GPM6A: variants seen among roughly 807,000 people sequenced by gnomAD.
The protein encoded by GPM6A is neuronal membrane glycoprotein M6-a.
A neutral mutation model predicts 32.1 loss-of-function variants in GPM6A; 7 were observed. That is an observed-to-expected ratio of 0.22 (90% CI 0.12 to 0.41). GPM6A has a LOEUF of 0.41. Ranked by LOEUF, GPM6A falls within the 10% of genes least tolerant of loss-of-function variation. The pLI, the probability that GPM6A is intolerant of heterozygous loss-of-function variation, is 1.00. For synonymous variants in GPM6A, 130 were observed against 123.4 expected, an observed-to-expected ratio of 1.05 and a Z score of -0.35; for missense variants, 235 against 347.2, an observed-to-expected ratio of 0.68 and a Z score of 2.57.
At chr4:175,829,067 G>C (rs1292957559) in intron 1 of GPM6A, among the ~76,000 whole-genome samples, 1 of 152,098 alleles carries the variant, frequency 6.6e-6, no homozygotes, top group East Asian at 1.9e-4. Context: ...GGAACTACAA[G>C]CATGTGCCAG....
At chr4:175,948,669 C>A (rs1260285236) in intron 1 of GPM6A, among the ~76,000 whole-genome samples, 1 of 152,102 alleles carries the variant, frequency 6.6e-6, no homozygotes, top group Non-Finnish European at 1.5e-5. Context: ...TGGGTTAATA[C>A]AACCACATAA....
chr4:175,864,526 G>C (rs78106903), intron 1 of GPM6A, among the ~76,000 whole-genome samples: 4,690 of 151,970 alleles, frequency 0.031, 220 homozygotes, highest in African/African-American at 0.11. Context: ...GGGTTGTAAG[G>C]GTTCTTCTAC....
chr4:175,993,660 A>C (rs189982411), intron 1 of GPM6A, among the ~76,000 whole-genome samples: 4 of 152,354 alleles, frequency 2.6e-5, no homozygotes, highest in African/African-American at 9.6e-5. Context: ...TGAGTTAGCA[A>C]AGTAGGCAGT....
intron 1 of GPM6A, among the ~76,000 whole-genome samples, chr4:175,743,104 A>T (rs991825255): frequency 1.3e-5 from 2 of 152,104 alleles, no homozygotes; most frequent in Admixed American, 6.6e-5. Flanking sequence ...ACATAAATGG[A>T]AAATAATGCC....
chr4:175,685,857 T>C (rs1318110870), intron 2 of GPM6A, among the ~76,000 whole-genome samples: 1 of 152,142 alleles, frequency 6.6e-6, no homozygotes, highest in Non-Finnish European at 1.5e-5. Context: ...CAAAAGCTTA[T>C]TGGCAAGCAG....
chr4:175,666,475 A>G (rs1742759625), intron 3 of GPM6A, among the ~76,000 whole-genome samples: 1 of 152,104 alleles, frequency 6.6e-6, no homozygotes, highest in Admixed American at 6.5e-5. Context: ...GTAGCTCTTG[A>G]GTTTTTTCTG....
chr4:175,780,943 G>A (rs562568402), intron 1 of GPM6A, among the ~76,000 whole-genome samples: 2 of 152,226 alleles, frequency 1.3e-5, no homozygotes, highest in South Asian at 4.1e-4. Flanking sequence ...GATAAAAGGT[G>A]TAGAAAAGAT....
intron 1 of GPM6A, among the ~76,000 whole-genome samples, chr4:175,930,362 C>T (rs933445726): frequency 3.4e-5 from 5 of 145,414 alleles, no homozygotes; most frequent in South Asian, 2.2e-4. Context: ...AGAGCAACAA[C>T]GAAAAGCATA....
At chr4:175,755,596 A>G (rs995310489) in intron 1 of GPM6A, among the ~76,000 whole-genome samples, 1 of 152,186 alleles carries the variant, frequency 6.6e-6, no homozygotes, top group African/African-American at 2.4e-5. Context: ...ACTTCAATCT[A>G]GTGGTAAAGA....
chr4:175,722,590 T>TA (rs1746195916), intron 1 of GPM6A, among the ~76,000 whole-genome samples: 3 of 152,110 alleles, frequency 2.0e-5, no homozygotes, highest in African/African-American at 7.2e-5. Context: ...CATAATTTAC[T>TA]TTTACCAACC....
intron 1 of GPM6A, among the ~76,000 whole-genome samples, chr4:175,759,151 A>G (rs1732643238): frequency 6.6e-6 from 1 of 152,138 alleles, no homozygotes; most frequent in Non-Finnish European, 1.5e-5. Context: ...TGAGACCGCA[A>G]ATCTCACTGT....
intron 1 of GPM6A, among the ~76,000 whole-genome samples, chr4:175,722,576 T>C (rs753279991): frequency 1.9e-4 from 29 of 152,138 alleles, no homozygotes; most frequent in Non-Finnish European, 3.4e-4. Context: ...CCTATACTGG[T>C]GTCCATAATT....
At chr4:175,758,531 T>C (rs894481915) in intron 1 of GPM6A, among the ~76,000 whole-genome samples, 5 of 152,202 alleles carry the variant, frequency 3.3e-5, no homozygotes, top group African/African-American at 4.8e-5. Context: ...TGTGGAGTGT[T>C]ATTTAGGAGA....
intron 4 of GPM6A, among the ~76,000 whole-genome samples, chr4:175,643,741 A>G (rs1268429421): frequency 1.3e-5 from 2 of 152,120 alleles, no homozygotes; most frequent in Non-Finnish European, 2.9e-5. Context: ...ATAAAGAAAC[A>G]CCTGTAGCTG....
At chr4:175,802,620 C>G (rs1212568209) in intron 1 of GPM6A, among the ~76,000 whole-genome samples, 1 of 152,100 alleles carries the variant, frequency 6.6e-6, no homozygotes, top group Non-Finnish European at 1.5e-5. Flanking sequence ...TCTTATTAAA[C>G]TGTCCTCAAT....
intron 2 of GPM6A, among the ~76,000 whole-genome samples, chr4:175,696,696 CA>C (rs1251977346): frequency 6.6e-6 from 1 of 152,154 alleles, no homozygotes; most frequent in African/African-American, 2.4e-5. Context: ...TAATTGTCAA[CA>C]ACCTAGTTCA....
chr4:175,932,930 G>A (rs1739098350), intron 1 of GPM6A, among the ~76,000 whole-genome samples: 1 of 151,992 alleles, frequency 6.6e-6, no homozygotes, highest in South Asian at 2.1e-4. Flanking sequence ...AGACCTACAT[G>A]AAATAAACAA....
chr4:175,675,850 C>G (rs1020366046), intron 2 of GPM6A, among the ~76,000 whole-genome samples: 1 of 151,886 alleles, frequency 6.6e-6, no homozygotes, highest in African/African-American at 2.4e-5. Context: ...CGGGGTTTTG[C>G]CATGCTGCCC....
intron 1 of GPM6A, among the ~76,000 whole-genome samples, chr4:175,835,973 G>A (rs1389694543): frequency 2.6e-5 from 4 of 151,982 alleles, no homozygotes; most frequent in African/African-American, 4.8e-5. Flanking sequence ...AGATGCCCAT[G>A]GTTCCACTGA....
Sources: allele counts gnomAD v4.1 joint callset (sites outside exome capture counted in the v4.1 genomes callset), GRCh38; gene constraint gnomAD v4.1.1; transcripts MANE v1.5; gene names NCBI Gene and HGNC (gene_info 2026-07-23, HGNC 2026-07-21).